Variants in MRPL30 observed in about 807,000 individuals in gnomAD.
The protein encoded by MRPL30 is mitochondrial ribosomal protein L30.
MRPL30 carries 10 observed loss-of-function variants against 17.2 expected under a neutral mutation model. The observed-to-expected ratio is 0.58, with a 90% CI of 0.36 to 0.99. The LOEUF (loss-of-function observed/expected upper bound fraction) is 0.99. Among genes scored for constraint, MRPL30 ranks in the 50% least tolerant of loss-of-function variants. The pLI, the probability that MRPL30 is intolerant of heterozygous loss-of-function variation, is 0.01. For synonymous variants in MRPL30, 61 were observed against 62.1 expected, an observed-to-expected ratio of 0.98 and a Z score of 0.08; for missense variants, 170 against 189.8, an observed-to-expected ratio of 0.90 and a Z score of 0.61.
At chr2:99,193,806 AG>A (rs1450157967) in intron 3 of MRPL30, among the ~76,000 whole-genome samples, 2 of 152,148 alleles carry the variant, frequency 1.3e-5, no homozygotes, top group African/African-American at 4.8e-5. Context: ...TGGGAGGCCA[AG>A]GCGGGCGGAT....
At chr2:99,184,083 G>GTTGTTTAT (rs3070557) in intron 1 of MRPL30, among the ~76,000 whole-genome samples, 1 of 152,084 alleles carries the variant, frequency 6.6e-6, no homozygotes, top group East Asian at 1.9e-4. Flanking sequence ...TGAATTTAGG[G>GTTGTTTAT]TTATTTATTT....
intron 1 of MRPL30, among the ~76,000 whole-genome samples, chr2:99,185,110 A>G (rs561545184): frequency 6.6e-6 from 1 of 152,300 alleles, no homozygotes; most frequent in East Asian, 1.9e-4. Flanking sequence ...CGTGAACGCT[A>G]CTGTGAACTG....
intron 1 of MRPL30, chr2:99,185,734 T>C (rs151004760): frequency 2.3e-6 from 1 of 433,924 alleles, no homozygotes; most frequent in Non-Finnish European, 4.7e-6. Flanking sequence ...GATAGCTGGA[T>C]GCACTTGGAT....
intron 3 of MRPL30, among the ~76,000 whole-genome samples, chr2:99,191,133 A>G (rs1003681309): frequency 1.3e-5 from 2 of 151,844 alleles, no homozygotes; most frequent in Non-Finnish European, 2.9e-5. Flanking sequence ...CAGCCTCCCA[A>G]GTAGCTGGGA....
intron 3 of MRPL30, among the ~76,000 whole-genome samples, chr2:99,191,918 C>T (rs1465652057): frequency 2.0e-5 from 3 of 152,158 alleles, no homozygotes; most frequent in African/African-American, 7.2e-5. Context: ...CTCCTTCATA[C>T]TGTTCCTTTA....
At chr2:99,185,826 A>G (rs1374468744) in intron 1 of MRPL30, 1 of 444,714 alleles carries the variant, frequency 2.2e-6, no homozygotes, top group Non-Finnish European at 4.5e-6. Context: ...TAGGAGTTGG[A>G]ATTTCTTCAG....
At chr2:99,190,728 G>T (rs1574845716) in intron 3 of MRPL30, among the ~76,000 whole-genome samples, 1 of 152,154 alleles carries the variant, frequency 6.6e-6, no homozygotes, top group East Asian at 1.9e-4. Context: ...GCACAGGCAG[G>T]AGAATAACAC....
At chr2:99,192,531 C>G (rs572957306) in intron 3 of MRPL30, among the ~76,000 whole-genome samples, 2 of 152,194 alleles carry the variant, frequency 1.3e-5, no homozygotes, top group African/African-American at 4.8e-5. Flanking sequence ...TGATGGCATC[C>G]AGCTTCATCC....
chr2:99,187,602 G>T (rs1176936557), intron 2 of MRPL30, among the ~76,000 whole-genome samples: 4 of 152,152 alleles, frequency 2.6e-5, no homozygotes, highest in Non-Finnish European at 5.9e-5. Context: ...AAGGTGGACG[G>T]ATCACGAGGT....
chr2:99,195,612 G>C lies in MRPL30; in HGVS notation c.393G>C (p.Glu131Asp), dbSNP rs1413004408. The change falls in exon 6 of 6, where the codon GAG becomes GAC. Residue 131 changes from glutamate (E) to aspartate (D), a missense_variant. Glu to Asp is a conservative substitution (Grantham distance 45, BLOSUM62 2). Transcript: ENST00000338148. ...AGTTGCCACAAGGACTTCCAGCAGA[G>C]GAGAACATGTCTAACACGTGCCTCA... Reference protein sequence around the residue: ...PLKLPQGLPAEENMSNTCLKS... With the variant: ...PLKLPQGLPADENMSNTCLKS... 1 of 1,611,750 alleles carries C rather than the reference G, an allele frequency of 6.2e-7. No individual in the cohort carries two copies. Among genetic ancestry groups the C allele is most frequent in the Non-Finnish European group, 8.5e-7 (1 of 1,179,582 alleles).
Position 99,199,149 on chromosome 2 carries a change from G to T in MRPL30, c.*3444G>T, listed in dbSNP as rs2093959540. On this transcript the variant is annotated 3_prime_UTR_variant, in exon 6 of 6. Coordinates refer to ENST00000338148, the MANE Select transcript of MRPL30 (RefSeq NM_145212.4). ...GTTTTTCTCAAAATGGGATAATTTT[G>T]CTTAACATAAGTAGTATCCCTTCCT... 6.6e-6 allele frequency among the ~76,000 whole-genome samples: 1 copy of T among 152,122 alleles called. No individual in the cohort carries two copies. The highest frequency in any genetic ancestry group is 2.4e-5 in the African/African-American group (1 of 41,430).
intron 3 of MRPL30, among the ~76,000 whole-genome samples, chr2:99,192,806 A>G (rs910177591): frequency 5.3e-5 from 8 of 152,186 alleles, no homozygotes; most frequent in Non-Finnish European, 1.0e-4. Flanking sequence ...TTGAGGAATC[A>G]CCACACTGTC....
intron 1 of MRPL30, among the ~76,000 whole-genome samples, chr2:99,185,209 T>G (rs1321809683): frequency 6.6e-6 from 1 of 152,160 alleles, no homozygotes; most frequent in Non-Finnish European, 1.5e-5. Context: ...AAACCTTCCC[T>G]TCCACCCCTC....
chr2:99,189,268 C>T (rs1306407470), intron 3 of MRPL30, among the ~76,000 whole-genome samples: 1 of 152,178 alleles, frequency 6.6e-6, no homozygotes, highest in Non-Finnish European at 1.5e-5. Context: ...AGTTTCACTG[C>T]CCTAAGTATC....
chr2:99,182,936 G>A (rs954985997), intron 1 of MRPL30, among the ~76,000 whole-genome samples: 3 of 152,198 alleles, frequency 2.0e-5, no homozygotes, highest in African/African-American at 4.8e-5. Context: ...ATTAAGTTAC[G>A]TTAGAAGATA....
chr2:99,194,846 A>G lies in MRPL30; in HGVS notation c.228A>G (p.Arg76=), dbSNP rs1251425969. The part of the protein sequence containing the change: ...LHIVTRIKST[R]RRPYWEKDII... ...TTGTTACCAGAATAAAAAGTACAAG[A>G]AGACGTCCATATTGGGAAAAAGATA... Residue 76 remains arginine, a synonymous_variant, in exon 4 of 6, where the codon AGA becomes AGG. Coordinates refer to ENST00000338148, the MANE Select transcript of MRPL30 (RefSeq NM_145212.4). The G allele has an allele frequency of 1.3e-6, 2 of 1,592,394 alleles. No individual in the cohort carries two copies. The highest frequency in any genetic ancestry group is 1.7e-6 in the Non-Finnish European group (2 of 1,172,086).
rs1235447587 is a variant in MRPL30, at chr2:99,197,345, C to T, written c.*1640C>T. The stretch of plus-strand genomic sequence containing the variant: ...CTTATTGTCCCAATATCCATCCTGT[C>T]GTAGATCTTAATGTTTTTGATCGTT... On this transcript the variant is annotated 3_prime_UTR_variant, in exon 6 of 6. Coordinates refer to ENST00000338148, the MANE Select transcript of MRPL30 (RefSeq NM_145212.4). 6.6e-6 allele frequency: 1 copy of T among 152,122 alleles called. No homozygotes were observed. The highest frequency in any genetic ancestry group is 1.5e-5 in the Non-Finnish European group (1 of 68,026). 9.4% of individuals were successfully genotyped at this position (152,122 alleles called of 1,614,324 possible).
Position 99,195,900 on chromosome 2 carries a change from G to A in MRPL30, c.*195G>A. On this transcript the variant is annotated 3_prime_UTR_variant, in exon 6 of 6. Coordinates refer to ENST00000338148, the MANE Select transcript of MRPL30 (RefSeq NM_145212.4). ...AGTTCGAGACCAGCCTGACCAACAT[G>A]GAGAAACCCCCATCTCTACTGAAAA... The A allele has an allele frequency of 1.9e-6, 1 of 537,192 alleles. No individual in the cohort carries two copies. Among genetic ancestry groups the A allele is most frequent in the Non-Finnish European group, 3.0e-6 (1 of 329,168 alleles). 33.3% of individuals were successfully genotyped at this position (537,192 alleles called of 1,614,324 possible).
chr2:99,195,302 T>C, intron 5 of MRPL30, 113 bp downstream of exon 5: 1 of 1,064,640 alleles, frequency 9.4e-7, no homozygotes, highest in South Asian at 1.7e-5. Flanking sequence ...ACTAAAATTT[T>C]ATTTTGTTTT....
Sources: gnomAD v4.1 joint callset for allele counts (sites outside exome capture counted in the v4.1 genomes callset) on GRCh38, gnomAD v4.1.1 for gene constraint, MANE v1.5 for transcripts, NCBI Gene and HGNC (gene_info 2026-07-23, HGNC 2026-07-21) for gene names.